Variants in ZDHHC21 observed in about 807,000 individuals in gnomAD.
The protein encoded by ZDHHC21 is zDHHC palmitoyltransferase 21.
ZDHHC21 carries 15 observed loss-of-function variants against 34.6 expected under a neutral mutation model. That is an observed-to-expected ratio of 0.43 (90% CI 0.29 to 0.67). ZDHHC21 has a LOEUF of 0.67. Among genes scored for constraint, ZDHHC21 ranks in the 30% least tolerant of loss-of-function variants. The probability of loss-of-function intolerance (pLI) is 0.14; values close to 1 mark genes in which losing one functional copy is unlikely to be tolerated. For missense variants in ZDHHC21, 344 were observed against 327.7 expected (o/e 1.05, Z -0.38); for synonymous variants, 142 against 101.8 (o/e 1.40, Z -2.38).
At chr9:14,636,939 A>G (rs558177983) in intron 8 of ZDHHC21, among the ~76,000 whole-genome samples, 4 of 152,270 alleles carry the variant, frequency 2.6e-5, no homozygotes, top group Non-Finnish European at 5.9e-5. Context: ...ATAAATGCCT[A>G]TATCAAAACA....
At position 14,693,265 on chromosome 9, in the gene ZDHHC21, C is replaced by T. The variant is rs1028134043; in HGVS notation, c.-261G>A. 4.8e-6 allele frequency: 2 copies of T among 417,232 alleles called. No homozygotes were observed. The highest frequency in any genetic ancestry group is 1.6e-5 in the South Asian group (1 of 60,734). 25.8% of individuals were successfully genotyped at this position (417,232 alleles called of 1,614,324 possible). On this transcript the variant is annotated 5_prime_UTR_variant, in exon 1 of 10. Coordinates refer to ENST00000380916, the MANE Select transcript of ZDHHC21 (RefSeq NM_178566.6). Reference sequence around the variant, plus strand: ...GCTCGCCTCTCGCTGCCGCCGCTCTCCCGACCGCCAGCAGCTCTTTCCCCT... The same window carrying T: ...GCTCGCCTCTCGCTGCCGCCGCTCTTCCGACCGCCAGCAGCTCTTTCCCCT...
intron 8 of ZDHHC21, among the ~76,000 whole-genome samples, chr9:14,633,944 T>C (rs10756590): frequency 0.41 from 62,241 of 151,984 alleles, 12,928 homozygotes; most frequent in Non-Finnish European, 0.44. Context: ...CACCAATGCC[T>C]ACCACAGCCA....
chr9:14,671,408 G>C (rs949839611), intron 5 of ZDHHC21, among the ~76,000 whole-genome samples: 3 of 152,008 alleles, frequency 2.0e-5, no homozygotes, highest in African/African-American at 7.2e-5. Flanking sequence ...GGTCCTAACA[G>C]AGATTCCCTA....
intron 3 of ZDHHC21, among the ~76,000 whole-genome samples, chr9:14,676,557 T>C (rs1836415338): frequency 6.6e-6 from 1 of 151,576 alleles, no homozygotes; most frequent in African/African-American, 2.4e-5. Flanking sequence ...CACTTAATAG[T>C]TTAAATCCGG....
chr9:14,675,357 G>C (rs570664364), intron 3 of ZDHHC21, among the ~76,000 whole-genome samples: 1 of 151,772 alleles, frequency 6.6e-6, no homozygotes, highest in Non-Finnish European at 1.5e-5. Context: ...CTAGGACAAC[G>C]GTTCTCTAGC....
At chr9:14,674,067 G>A in intron 4 of ZDHHC21, 120 bp downstream of exon 4, 4 of 540,042 alleles carry the variant, frequency 7.4e-6, no homozygotes, top group Non-Finnish European at 9.0e-6. Flanking sequence ...ACTGAATATT[G>A]ACAGCACTGC....
At chr9:14,602,535 A>G in the ZDHHC21 span, among the ~76,000 whole-genome samples, 2 of 152,192 alleles carry the variant, frequency 1.3e-5, no homozygotes, top group South Asian at 2.1e-4. Flanking sequence ...TGCACACACC[A>G]TATAGTCAAA....
Position 14,658,769 on chromosome 9 carries a change from G to T in ZDHHC21, c.484C>A (p.Pro162Thr), listed in dbSNP as rs188584404. 5.7e-5 allele frequency: 92 copies of T among 1,613,406 alleles called. No homozygotes were observed. Among genetic ancestry groups the T allele is most frequent in the Non-Finnish European group, 8.5e-7 (1 of 1,179,808 alleles). ...CTTACCAAATTACGCTTTTTTAGTG[G>T]AAGAAAATAGTAATAGTGGCAGAAA... ...FSFCHYYYFL[P>T]LKKRNLDLFV... Residue 162 changes from proline to threonine, a missense_variant, in exon 7 of 10, where the codon CCA (proline) becomes ACA (threonine). Physicochemically the swap from Pro to Thr is conservative, Grantham distance 38. Coordinates refer to ENST00000380916, the MANE Select transcript of ZDHHC21 (RefSeq NM_178566.6).
the ZDHHC21 span, among the ~76,000 whole-genome samples, chr9:14,597,729 CCCTA>C: frequency 6.6e-6 from 1 of 152,102 alleles, no homozygotes; most frequent in African/African-American, 2.4e-5. Flanking sequence ...AACTGATCTG[CCCTA>C]CCTGCCACCA....
chr9:14,644,836 A>AC (rs1830019698), intron 7 of ZDHHC21, among the ~76,000 whole-genome samples: 1 of 141,400 alleles, frequency 7.1e-6, no homozygotes, highest in African/African-American at 2.6e-5. Flanking sequence ...ACACACACAC[A>AC]CATATATATA....
intron 7 of ZDHHC21, among the ~76,000 whole-genome samples, chr9:14,646,733 T>G (rs1161961718): frequency 6.6e-6 from 1 of 152,162 alleles, no homozygotes; most frequent in African/African-American, 2.4e-5. Context: ...TACTTAAATA[T>G]CGCCTTATCA....
At chr9:14,682,158 T>C (rs543312591) in intron 2 of ZDHHC21, among the ~76,000 whole-genome samples, 1 of 152,272 alleles carries the variant, frequency 6.6e-6, no homozygotes, top group South Asian at 2.1e-4. Context: ...CCAGCTAACA[T>C]CATAATGACA....
At chr9:14,669,988 A>G (rs1326030060) in intron 5 of ZDHHC21, among the ~76,000 whole-genome samples, 5 of 151,658 alleles carry the variant, frequency 3.3e-5, no homozygotes, top group African/African-American at 1.2e-4. Context: ...CATGTACCCT[A>G]AAACTTAAAG....
intron 7 of ZDHHC21, among the ~76,000 whole-genome samples, chr9:14,658,509 C>T (rs1422012004): frequency 1.1e-4 from 12 of 110,626 alleles, no homozygotes; most frequent in East Asian, 9.1e-4. Context: ...GTCTCGCTGT[C>T]GCCCAGGTTG....
rs1486478010 is a variant in ZDHHC21, at chr9:14,617,690, T to C, written c.*1276A>G. On this transcript the variant is annotated 3_prime_UTR_variant, in exon 10 of 10. Coordinates refer to ENST00000380916, the MANE Select transcript of ZDHHC21 (RefSeq NM_178566.6). ...TCAAAGCATACTAAATGTCTTTTCATACAAATGTTCTATGCCTTGCAAAAG... is the reference window on the plus strand; with the variant it reads ...TCAAAGCATACTAAATGTCTTTTCACACAAATGTTCTATGCCTTGCAAAAG... The C allele has an allele frequency of 6.6e-6, 1 of 152,024 alleles. No individual in the cohort carries two copies. The highest frequency in any genetic ancestry group is 2.4e-5 in the African/African-American group (1 of 41,444). 9.4% of individuals were successfully genotyped at this position (152,024 alleles called of 1,614,324 possible).
chr9:14,658,723 G>T, intron 7 of ZDHHC21, 26 bp downstream of exon 7: 1 of 1,606,562 alleles, frequency 6.2e-7, no homozygotes, highest in South Asian at 1.1e-5. Context: ...CGCCCGCCTC[G>T]GCCTCCCAAT....
rs372983877 is a variant in ZDHHC21 at position 14,658,851 on chromosome 9, G to C, written c.402C>G (p.Leu134=). Residue 134 remains leucine, a synonymous_variant, in exon 7 of 10, where the codon CTC becomes CTG. Coordinates refer to ENST00000380916, the MANE Select transcript of ZDHHC21 (RefSeq NM_178566.6). Reference sequence around the variant, plus strand: ...CAGTGTAGAAACACAACTGCAGAAAGAGCCAATGATTATCTTCACCAACAC... The same window carrying C: ...CAGTGTAGAAACACAACTGCAGAAACAGCCAATGATTATCTTCACCAACAC... ...NNCVGEDNHW[L]FLQLCFYTEL... is the part of the protein sequence containing the mutation. 20 of 1,613,050 alleles carry C rather than the reference G, an allele frequency of 1.2e-5. No homozygotes were observed. The African/African-American group carries it at 2.5e-4, about 20-fold the overall frequency.
chr9:14,629,851 A>G (rs1017253920), intron 8 of ZDHHC21, among the ~76,000 whole-genome samples: 13 of 152,122 alleles, frequency 8.5e-5, no homozygotes, highest in African/African-American at 3.1e-4. Context: ...GATCGATACC[A>G]TCCTGGCCAA....
chr9:14,620,382 A>G (rs1825092265), intron 8 of ZDHHC21, among the ~76,000 whole-genome samples: 1 of 152,036 alleles, frequency 6.6e-6, no homozygotes, highest in Admixed American at 6.6e-5. Context: ...AATTGTTATA[A>G]GCAATAGCCA....
Sources: gnomAD v4.1 joint callset for allele counts (sites outside exome capture counted in the v4.1 genomes callset) on GRCh38, gnomAD v4.1.1 for gene constraint, MANE v1.5 for transcripts, NCBI Gene and HGNC (gene_info 2026-07-23, HGNC 2026-07-21) for gene names.